The following ANKRD13C variants were observed in gnomAD, a reference collection of about 807,000 sequenced individuals.
ANKRD13C encodes ankyrin repeat domain 13C.
In ANKRD13C, 16 loss-of-function variants were observed where a neutral mutation model predicts 65.5. The ratio of observed to expected loss-of-function variants is 0.24; its 90% CI spans 0.17 to 0.37. The LOEUF (loss-of-function observed/expected upper bound fraction) is 0.37. Ranked by LOEUF, ANKRD13C falls within the 10% of genes least tolerant of loss-of-function variation. The pLI is 1.00. For missense variants in ANKRD13C, 503 were observed against 655.9 expected (o/e 0.77, Z 2.55); for synonymous variants, 235 against 238.7 (o/e 0.98, Z 0.14).
At chr1:70,328,601 G>A (rs1316513731) in intron 2 of ANKRD13C, among the ~76,000 whole-genome samples, 1 of 152,204 alleles carries the variant, frequency 6.6e-6, no homozygotes, top group Non-Finnish European at 1.5e-5. Context: ...GGCAGAGGTT[G>A]CAGTGAGCCG....
Position 70,286,245 on chromosome 1 carries a change from A to G in ANKRD13C, c.1215+6143T>C, listed in dbSNP as rs1679619242. Among the ~76,000 whole-genome samples the G allele has an allele frequency of 2.6e-5, 4 of 152,254 alleles. No homozygotes were observed. The South Asian group carries it at 8.3e-4, about 31-fold the overall frequency. On this transcript the variant is annotated intron_variant, in intron 9 of 12. Transcript: ENST00000370944. ...AATATTTTCTTTAAATTTCTTCTAA[A>G]AAGATTTATAATTGAACTCTGAGAA...
intron 5 of ANKRD13C, among the ~76,000 whole-genome samples, chr1:70,306,803 T>C (rs1166035513): frequency 6.6e-6 from 1 of 152,208 alleles, no homozygotes; most frequent in African/African-American, 2.4e-5. Flanking sequence ...TCAAAATCTG[T>C]AAAATGGGAA....
rs576089318 is a variant in ANKRD13C at position 70,324,717 on chromosome 1, G to A, written c.577+136C>T. ...CTCAATGTTCAAGTTCCTAAGTCATGAATAATTCACATGTAAGTTTACACA... is the reference window on the plus strand; with the variant it reads ...CTCAATGTTCAAGTTCCTAAGTCATAAATAATTCACATGTAAGTTTACACA... On this transcript the variant is annotated intron_variant, in intron 3 of 12. Transcript: ENST00000370944. 9.4e-5 allele frequency: 51 copies of A among 540,460 alleles called. No homozygotes were observed. The South Asian group carries it at 1.9e-3, about 20-fold the overall frequency. The allele number at this position is 540,460 out of a possible 1,614,324, so 33.5% of individuals were successfully genotyped here.
Position 70,265,000 on chromosome 1 carries a change from C to T in ANKRD13C, c.1496-2153G>A, listed in dbSNP as rs137912961. ...TCAAAGGAAGTATCTGGTTTAATCT[C>T]GGAACAGCCAGGAGGCCAATGTGGC... is the stretch of plus-strand genomic sequence containing the variant. On this transcript the variant is annotated intron_variant, in intron 12 of 12. Coordinates refer to ENST00000370944, the MANE Select transcript of ANKRD13C (RefSeq NM_030816.5). Among the ~76,000 whole-genome samples the T allele has an allele frequency of 8.0e-3, 1,223 of 152,114 alleles. 63 individuals carry two copies. The highest frequency in any genetic ancestry group is 0.071 in the Admixed American group (1,078 of 15,278).
intron 9 of ANKRD13C, among the ~76,000 whole-genome samples, chr1:70,279,500 CT>C (rs757385338): frequency 2.2e-3 from 227 of 101,286 alleles, no homozygotes; most frequent in Middle Eastern, 7.8e-3. Flanking sequence ...TTTTGAGCTA[CT>C]TTTTTTTTTT....
chr1:70,274,432 C>A (rs1679037337), intron 11 of ANKRD13C, among the ~76,000 whole-genome samples: 1 of 145,428 alleles, frequency 6.9e-6, no homozygotes, highest in African/African-American at 2.6e-5. Context: ...CAAGATCGCG[C>A]CACTGCACTC....
chr1:70,340,421 T>C (rs1682257996), intron 1 of ANKRD13C, among the ~76,000 whole-genome samples: 2 of 152,212 alleles, frequency 1.3e-5, no homozygotes. Flanking sequence ...ATTTCAATCG[T>C]CTGAAATGTG....
At chr1:70,312,999 T>G (rs570779010) in intron 5 of ANKRD13C, among the ~76,000 whole-genome samples, 87 of 152,258 alleles carry the variant, frequency 5.7e-4, no homozygotes, top group African/African-American at 2.0e-3. Flanking sequence ...CTATAAAGTA[T>G]GCAAGAGGCA....
intron 6 of ANKRD13C, among the ~76,000 whole-genome samples, chr1:70,301,530 C>T (rs1680355730): frequency 6.6e-6 from 1 of 152,192 alleles, no homozygotes; most frequent in Admixed American, 6.5e-5. Flanking sequence ...TTGCTTTATC[C>T]TTCAACTTGA....
chr1:70,306,118 C>A (rs1680577555), intron 6 of ANKRD13C, 106 bp downstream of exon 6: 8 of 659,246 alleles, frequency 1.2e-5, no homozygotes, highest in Non-Finnish European at 1.9e-5. Flanking sequence ...GACTCTGTTA[C>A]AGCATTTTAA....
intron 1 of ANKRD13C, among the ~76,000 whole-genome samples, chr1:70,345,118 C>A (rs1314518992): frequency 6.6e-6 from 1 of 151,856 alleles, no homozygotes; most frequent in Admixed American, 6.6e-5. Flanking sequence ...TGCTACACAC[C>A]AAAATTCACT....
chr1:70,282,556 C>T (rs1408108342), intron 9 of ANKRD13C, among the ~76,000 whole-genome samples: 1 of 152,156 alleles, frequency 6.6e-6, no homozygotes, highest in Non-Finnish European at 1.5e-5. Flanking sequence ...GCCAAACTTA[C>T]ATCATAACCA....
chr1:70,315,574 T>C lies in ANKRD13C; in HGVS notation c.578-8A>G. The C allele has an allele frequency of 6.3e-7, 1 of 1,594,074 alleles. No individual in the cohort carries two copies. Among genetic ancestry groups the C allele is most frequent in the Non-Finnish European group, 8.5e-7 (1 of 1,171,592 alleles). On this transcript the variant is annotated splice_polypyrimidine_tract_variant and splice_region_variant and intron_variant, in intron 3 of 12. Coordinates refer to ENST00000370944, the MANE Select transcript of ANKRD13C (RefSeq NM_030816.5). The stretch of plus-strand genomic sequence containing the variant: ...TCCTCAAAAGAGCTGTAACTAAAGT[T>C]TAAATTTTAAAAATAACTAATTTAA...
chr1:70,269,910 A>G (rs1339128649), intron 12 of ANKRD13C, among the ~76,000 whole-genome samples: 2 of 152,204 alleles, frequency 1.3e-5, no homozygotes, highest in South Asian at 4.1e-4. Context: ...CTCATTAAAT[A>G]CTGAGTGGTT....
intron 9 of ANKRD13C, among the ~76,000 whole-genome samples, chr1:70,288,948 ATATTTCAAAATAAAAAGCT>A (rs1679741629): frequency 6.6e-6 from 1 of 152,206 alleles, no homozygotes; most frequent in Admixed American, 6.5e-5. Flanking sequence ...TGAATTTACA[ATATTTCAAAATAAAAAGCT>A]TAATTTAAAA....
intron 1 of ANKRD13C, among the ~76,000 whole-genome samples, chr1:70,336,619 G>T (rs921208782): frequency 1.3e-5 from 2 of 152,170 alleles, no homozygotes; most frequent in African/African-American, 4.8e-5. Flanking sequence ...GGACCACACT[G>T]AAATGAGCCT....
intron 3 of ANKRD13C, among the ~76,000 whole-genome samples, chr1:70,321,321 G>A (rs1476599306): frequency 6.6e-6 from 1 of 152,152 alleles, no homozygotes; most frequent in Non-Finnish European, 1.5e-5. Context: ...TGTACAAGAA[G>A]AAGAACTTAA....
Position 70,354,494 on chromosome 1 carries a change from C to A in ANKRD13C, c.-86G>T. 6.7e-7 allele frequency: 1 copy of A among 1,489,776 alleles called. No individual in the cohort carries two copies. Among genetic ancestry groups the A allele is most frequent in the Non-Finnish European group, 8.9e-7 (1 of 1,123,690 alleles). The allele number at this position is 1,489,776 out of a possible 1,614,324, so 92.3% of individuals were successfully genotyped here. A position where few individuals can be genotyped will look rare whatever the true frequency, so the allele number is the denominator to read the frequency against. On this transcript the variant is annotated 5_prime_UTR_variant, in exon 1 of 13. Coordinates refer to ENST00000370944, the MANE Select transcript of ANKRD13C (RefSeq NM_030816.5). Reference sequence around the variant, plus strand: ...CTGCGGCGGCACAAGGCGATTAGAGCGGTGGCCAAGAGCCTCCAGCGCAGC... The same window carrying A: ...CTGCGGCGGCACAAGGCGATTAGAGAGGTGGCCAAGAGCCTCCAGCGCAGC...
rs1201785266 is a variant in ANKRD13C at position 70,259,879 on chromosome 1, T to C, written c.*2838A>G. 6.6e-6 allele frequency among the ~76,000 whole-genome samples: 1 copy of C among 152,148 alleles called. No homozygotes were observed. Among genetic ancestry groups the C allele is most frequent in the East Asian group, 1.9e-4 (1 of 5,200 alleles). ...CAGATTTTCAACTGAACCCCTAACC[T>C]CCATGTTGTTCAAGGGTCAGCTGTA... On this transcript the variant is annotated 3_prime_UTR_variant, in exon 13 of 13. Coordinates refer to ENST00000370944, the MANE Select transcript of ANKRD13C (RefSeq NM_030816.5).
Sources: gnomAD v4.1 joint callset for allele counts (sites outside exome capture counted in the v4.1 genomes callset) on GRCh38, gnomAD v4.1.1 for gene constraint, MANE v1.5 for transcripts, NCBI Gene and HGNC (gene_info 2026-07-23, HGNC 2026-07-21) for gene names.